Variants in COL17A1 observed in about 807,000 individuals in gnomAD.
COL17A1 encodes the protein collagen alpha-1(XVII) chain.
Under a neutral mutation model 218.4 loss-of-function variants are expected in COL17A1, and 181 were observed. That is an observed-to-expected ratio of 0.83 (90% confidence interval 0.73 to 0.94). The LOEUF (loss-of-function observed/expected upper bound fraction) is 0.94, where lower values mean the gene tolerates loss of function less well. Ranked by LOEUF, COL17A1 falls within the 40% of genes least tolerant of loss-of-function variation. The pLI is 0.00. For missense variants in COL17A1, 1,924 were observed against 1,945.9 expected, an observed-to-expected ratio of 0.99 and a Z score of 0.21; for synonymous variants, 721 against 731.0, an observed-to-expected ratio of 0.99 and a Z score of 0.22.
At chr10:104,059,945 C>T (rs1425038086) in intron 14 of COL17A1, among the ~76,000 whole-genome samples, 174 bp downstream of exon 14, 1 of 152,160 alleles carries the variant, frequency 6.6e-6, no homozygotes, top group African/African-American at 2.4e-5. Flanking sequence ...TTTCTCAGCT[C>T]ATCTGCATTC....
In COL17A1 at chr10:104,036,624, C is replaced by T; in HGVS notation, c.3286G>A (p.Val1096Met). The part of the protein sequence containing the change: ...DILAVLQRDD[V>M]RQYLRQYLMG... ...AAGTACTGACGTAGGTACTGACGCA[C>T]GTCATCCCCTGGAGAGGAGAGGATG... Residue 1096 changes from valine to methionine, a missense_variant, in exon 48 of 56, where the codon GTG becomes ATG. Coordinates refer to ENST00000648076, the MANE Select transcript of COL17A1 (RefSeq NM_000494.4). 1.2e-6 allele frequency: 2 copies of T among 1,613,822 alleles called. No individual in the cohort carries two copies. The highest frequency in any genetic ancestry group is 1.1e-5 in the South Asian group (1 of 91,072).
rs770551936 is a variant in COL17A1 at position 104,047,818 on chromosome 10, G to A, written c.2264-8C>T. The A allele has an allele frequency of 6.2e-7, 1 of 1,612,858 alleles. No individual in the cohort carries two copies. The highest frequency in any genetic ancestry group is 2.2e-5 in the East Asian group (1 of 44,888). On this transcript the variant is annotated splice_polypyrimidine_tract_variant and splice_region_variant and intron_variant, in intron 30 of 55. Coordinates refer to ENST00000648076, the MANE Select transcript of COL17A1 (RefSeq NM_000494.4). The stretch of plus-strand genomic sequence containing the variant: ...CAGTAAGACCTTGTTCACCTAGAGA[G>A]AGAATGGCCAACGTGGAAGTGTTTA...
At position 104,047,729 on chromosome 10, in the gene COL17A1, G is replaced by A. The variant is rs2086426592; in HGVS notation, c.2335+10C>T. On this transcript the variant is annotated intron_variant, in intron 31 of 55. Coordinates refer to ENST00000648076, the MANE Select transcript of COL17A1 (RefSeq NM_000494.4). ...AGCAGGGCCATGGCTCCCTCTTCCT[G>A]CTCTGTTACCTGGCTTTCCTGGGTC... 2 of 1,612,254 alleles carry A rather than the reference G, an allele frequency of 1.2e-6. No homozygotes were observed. The highest frequency in any genetic ancestry group is 1.3e-5 in the African/African-American group (1 of 74,972).
At chr10:104,074,026 G>A in intron 6 of COL17A1, 158 bp downstream of exon 6, 1 of 1,130,508 alleles carries the variant, frequency 8.8e-7, no homozygotes, top group Non-Finnish European at 1.3e-6. Context: ...TATGCTTCAG[G>A]ATAAAAAGCA....
At chr10:104,075,858 A>G (rs2086705758) in intron 5 of COL17A1, among the ~76,000 whole-genome samples, 1 of 152,230 alleles carries the variant, frequency 6.6e-6, no homozygotes, top group African/African-American at 2.4e-5. Flanking sequence ...CTTACTCGTC[A>G]TGAGGACCTC....
chr10:104,064,224 C>T (rs2086606583), intron 10 of COL17A1, among the ~76,000 whole-genome samples: 1 of 152,228 alleles, frequency 6.6e-6, no homozygotes, highest in African/African-American at 2.4e-5. Context: ...TCCTGATACA[C>T]CGTGCTATAT....
chr10:104,036,071 TATGGGA>T (rs1263343570), intron 48 of COL17A1, among the ~76,000 whole-genome samples: 24 of 140,374 alleles, frequency 1.7e-4, no homozygotes, highest in African/African-American at 5.8e-4. Context: ...GGAGTATGTG[TATGGGA>T]GTGTGTATGG....
intron 9 of COL17A1, among the ~76,000 whole-genome samples, chr10:104,069,037 G>A (rs1052406865): frequency 2.0e-5 from 3 of 152,348 alleles, no homozygotes; most frequent in Middle Eastern, 3.4e-3. Flanking sequence ...AATTATGGGT[G>A]TATAGGGATC....
chr10:104,042,280 G>A (rs908975525), intron 36 of COL17A1, 140 bp downstream of exon 36: 14 of 847,758 alleles, frequency 1.7e-5, no homozygotes, highest in East Asian at 5.3e-5. Context: ...GCAAGACCCC[G>A]GTGAAGAGCC....
intron 17 of COL17A1, among the ~76,000 whole-genome samples, chr10:104,056,489 G>T (rs1002624676): frequency 6.6e-6 from 1 of 152,112 alleles, no homozygotes; most frequent in Non-Finnish European, 1.5e-5. Context: ...GGCTGAGGCA[G>T]GAGAATCGCT....
intron 17 of COL17A1, 40 bp from the exon 18 acceptor site, chr10:104,056,043 G>A (rs759913823): frequency 2.5e-6 from 4 of 1,610,686 alleles, no homozygotes; most frequent in Non-Finnish European, 8.5e-7. Context: ...TGAGGGCCCG[G>A]TCCTTCGCCT....
chr10:104,047,922 G>A (rs2086428850), intron 30 of COL17A1, 112 bp from the exon 31 acceptor site: 3 of 1,370,872 alleles, frequency 2.2e-6, no homozygotes, highest in South Asian at 2.3e-5. Context: ...GCTGGCAGGT[G>A]GAAAGGAGAA....
intron 44 of COL17A1, among the ~76,000 whole-genome samples, chr10:104,038,768 G>C (rs2086328308): frequency 6.6e-6 from 1 of 152,044 alleles, no homozygotes; most frequent in Non-Finnish European, 1.5e-5. Flanking sequence ...TCTGCAACCT[G>C]CTGAAGGACC....
chr10:104,033,290 C>G lies in COL17A1; in HGVS notation c.4242G>C (p.Lys1414Asn), dbSNP rs368819754. ...PGPQGPPGIS[K>N]VFSAYSNVTA... The stretch of plus-strand genomic sequence containing the variant: ...TCACGTTGCTGTAGGCAGAGAAGAC[C>G]TTGCTGATGCCGGGTGGCCCCTGTG... The change falls in exon 53 of 56, where the codon AAG (lysine) becomes AAC (asparagine). Residue 1414 changes from lysine to asparagine, a missense_variant. Transcript: ENST00000648076. 9.4e-6 allele frequency: 15 copies of G among 1,600,312 alleles called. No homozygotes were observed. Among genetic ancestry groups the G allele is most frequent in the Non-Finnish European group, 1.3e-5 (15 of 1,173,550 alleles).
chr10:104,041,905 A>C (rs1157320257), intron 36 of COL17A1, among the ~76,000 whole-genome samples: 1 of 152,192 alleles, frequency 6.6e-6, no homozygotes, highest in Non-Finnish European at 1.5e-5. Context: ...TCTGTAAACC[A>C]AGGTCAAAAA....
At chr10:104,034,400 G>C in intron 51 of COL17A1, 66 bp from the exon 52 acceptor site, 1 of 1,514,422 alleles carries the variant, frequency 6.6e-7, no homozygotes, top group South Asian at 1.2e-5. Flanking sequence ...TTGGGAGTTA[G>C]GGAGTCTCTC....
intron 2 of COL17A1, among the ~76,000 whole-genome samples, chr10:104,079,569 T>C (rs1411181139): frequency 6.6e-6 from 1 of 152,204 alleles, no homozygotes; most frequent in Non-Finnish European, 1.5e-5. Flanking sequence ...ATTTTGCTAA[T>C]TAGTTTGGTT....
chr10:104,034,341 G>T lies in COL17A1; in HGVS notation c.3767-7C>A. 6.5e-7 allele frequency: 1 copy of T among 1,547,946 alleles called. No individual in the cohort carries two copies. Among genetic ancestry groups the T allele is most frequent in the Non-Finnish European group, 8.7e-7 (1 of 1,153,474 alleles). The stretch of plus-strand genomic sequence containing the variant: ...AAGCTGCGCACATCAGGACCTGCAG[G>T]GTGAGAAGCTGCATGAGTGGGAGCT... On this transcript the variant is annotated splice_region_variant and splice_polypyrimidine_tract_variant and intron_variant, in intron 51 of 55. Transcript: ENST00000648076.
intron 16 of COL17A1, among the ~76,000 whole-genome samples, chr10:104,057,690 A>G (rs911972836): frequency 1.1e-4 from 16 of 151,896 alleles, no homozygotes; most frequent in African/African-American, 3.9e-4. Flanking sequence ...AATTAAAACA[A>G]TGTTTTTTGT....
Sources: allele counts gnomAD v4.1 joint callset (sites outside exome capture counted in the v4.1 genomes callset), GRCh38; gene constraint gnomAD v4.1.1; transcripts MANE v1.5; gene names NCBI Gene and HGNC (gene_info 2026-07-23, HGNC 2026-07-21).